The following SHANK2 variants were observed in gnomAD, a reference collection of about 807,000 sequenced individuals.
SHANK2 encodes the protein SH3 and multiple ankyrin repeat domains 2.
A neutral mutation model predicts 133.7 loss-of-function variants in SHANK2; 43 were observed. That is an observed-to-expected ratio of 0.32 (90% CI 0.25 to 0.41). The LOEUF is 0.41. SHANK2 is among the 10% of genes least tolerant of loss of function. SHANK2 has a pLI of 1.00. For synonymous variants in SHANK2, 1,017 were observed against 952.8 expected, an observed-to-expected ratio of 1.07 and a Z score of -1.24; for missense variants, 1,994 against 2,235.8, an observed-to-expected ratio of 0.89 and a Z score of 2.18.
chr11:70,591,529 G>A (rs1284884692), intron 17 of SHANK2, among the ~76,000 whole-genome samples: 5 of 146,720 alleles, frequency 3.4e-5, no homozygotes, highest in Admixed American at 2.1e-4. Flanking sequence ...TACAACATTT[G>A]CTTTTCTTAA....
chr11:71,085,538 T>G (rs1428927552), intron 8 of SHANK2, among the ~76,000 whole-genome samples: 2 of 104,840 alleles, frequency 1.9e-5, no homozygotes, highest in African/African-American at 7.4e-5. Flanking sequence ...TTATATTATA[T>G]AAAATATATA....
At chr11:71,190,236 GC>G (rs1555115152) in intron 2 of SHANK2, among the ~76,000 whole-genome samples, 2 of 152,246 alleles carry the variant, frequency 1.3e-5, no homozygotes, top group Non-Finnish European at 1.5e-5. Context: ...AGATGGCCTT[GC>G]CCCTTTGGAG....
At chr11:70,706,486 C>A (rs569882998) in intron 14 of SHANK2, among the ~76,000 whole-genome samples, 2 of 152,242 alleles carry the variant, frequency 1.3e-5, no homozygotes, top group African/African-American at 4.8e-5. Flanking sequence ...ACAGCCCTGG[C>A]TGGGGCAGTG....
chr11:70,569,742 C>T lies in SHANK2; in HGVS notation c.2062-66811G>A, dbSNP rs2060020102. Among the ~76,000 whole-genome samples, 1 of 152,112 alleles carries T rather than the reference C, an allele frequency of 6.6e-6. No homozygotes were observed. Among genetic ancestry groups the T allele is most frequent in the South Asian group, 2.1e-4 (1 of 4,820 alleles). ...GAATCCTGCCTGGGTTTTTCCTCTA[C>T]ATCTACTGGGGAAGATGCTCTCCTG... On this transcript the variant is annotated intron_variant, in intron 17 of 25. Coordinates refer to ENST00000601538, the MANE Select transcript of SHANK2 (RefSeq NM_012309.5). This position sits in a 1 kb window ranked among gnomAD's most constrained non-coding sequence, Gnocchi z 5.1.
chr11:70,568,646 G>GGCCCCCC (rs2059999450), intron 17 of SHANK2, among the ~76,000 whole-genome samples: 3 of 79,966 alleles, frequency 3.8e-5, no homozygotes, highest in South Asian at 7.5e-4. Context: ...GCGGATTCCT[G>GGCCCCCC]CCCCCCCCGC....
intron 14 of SHANK2, among the ~76,000 whole-genome samples, chr11:70,748,455 C>T (rs961201379): frequency 5.3e-5 from 8 of 152,120 alleles, no homozygotes; most frequent in African/African-American, 1.7e-4. Context: ...CTGGTGCTCC[C>T]TGGAGGGACT....
At chr11:71,232,339 C>T (rs892415812) in intron 1 of SHANK2, among the ~76,000 whole-genome samples, 3 of 152,182 alleles carry the variant, frequency 2.0e-5, no homozygotes, top group Non-Finnish European at 4.4e-5. Context: ...CCAATACTAT[C>T]GTACTGACCC....
intron 14 of SHANK2, among the ~76,000 whole-genome samples, chr11:70,791,137 C>T (rs1947778106): frequency 6.6e-6 from 1 of 152,208 alleles, no homozygotes; most frequent in African/African-American, 2.4e-5. Context: ...CTACCTAATA[C>T]AAATGGGTGG....
At chr11:70,545,995 A>C (rs2059688179) in intron 17 of SHANK2, among the ~76,000 whole-genome samples, 1 of 152,118 alleles carries the variant, frequency 6.6e-6, no homozygotes, top group African/African-American at 2.4e-5. Flanking sequence ...CAGGGAAGAG[A>C]AGCTCGGGGC....
At chr11:70,880,201 G>C (rs377680742) in intron 11 of SHANK2, among the ~76,000 whole-genome samples, 1 of 152,204 alleles carries the variant, frequency 6.6e-6, no homozygotes, top group Non-Finnish European at 1.5e-5. Flanking sequence ...GAGCTTCCTG[G>C]TTAGCCTGGG....
intron 2 of SHANK2, among the ~76,000 whole-genome samples, chr11:71,147,626 T>G (rs1403527736): frequency 1.3e-5 from 2 of 152,080 alleles, no homozygotes; most frequent in African/African-American, 4.8e-5. Context: ...ACCCCGGCAC[T>G]CAAAAGGAGC....
Position 71,109,953 on chromosome 11 carries a change from G to C in SHANK2, c.580C>G (p.Pro194Ala). The change falls in exon 6 of 26, where the codon CCG (proline) becomes GCG (alanine). Residue 194 changes from proline to alanine, a missense_variant. Coordinates refer to ENST00000601538, the MANE Select transcript of SHANK2 (RefSeq NM_012309.5). ...AGCAAGTGCTCACCTCCGGTCTCCG[G>C]GTCGTGGAAATTGGGATCCAGGCCT... ...DRGLDPNFHD[P>A]ETGETPLTLA... is the part of the protein sequence containing the mutation. The C allele has an allele frequency of 6.4e-7, 1 of 1,550,916 alleles. No individual in the cohort carries two copies. The highest frequency in any genetic ancestry group is 1.7e-4 in the Middle Eastern group (1 of 5,992).
intron 11 of SHANK2, among the ~76,000 whole-genome samples, chr11:70,869,333 A>G (rs1949421434): frequency 6.6e-6 from 1 of 152,242 alleles, no homozygotes; most frequent in Admixed American, 6.5e-5. Context: ...CCTCCAGACC[A>G]GCAGGTTTCA....
intron 14 of SHANK2, among the ~76,000 whole-genome samples, chr11:70,789,671 A>T (rs1947746121): frequency 6.6e-6 from 1 of 152,198 alleles, no homozygotes; most frequent in Non-Finnish European, 1.5e-5. Flanking sequence ...GGTGCTGCTC[A>T]TCTGGGTAGG....
At chr11:70,600,536 A>T (rs782228323) in intron 17 of SHANK2, among the ~76,000 whole-genome samples, 1 of 151,926 alleles carries the variant, frequency 6.6e-6, no homozygotes, top group Non-Finnish European at 1.5e-5. Flanking sequence ...AAGAGATAAA[A>T]GGTGGGTGGG....
At chr11:70,918,091 T>C (rs1950295025) in intron 10 of SHANK2, among the ~76,000 whole-genome samples, 1 of 151,962 alleles carries the variant, frequency 6.6e-6, no homozygotes, top group South Asian at 2.1e-4. Context: ...ATATTTTAAG[T>C]CATTTTACTG....
intron 17 of SHANK2, among the ~76,000 whole-genome samples, chr11:70,573,798 T>A (rs2060081257): frequency 6.6e-6 from 1 of 152,146 alleles, no homozygotes; most frequent in African/African-American, 2.4e-5. Flanking sequence ...ACTTTTATGT[T>A]CTGTCTGACT....
rs114859601 is a variant in SHANK2 at position 70,828,264 on chromosome 11, G to C, written c.1175-7582C>G. ...ACCACTGCACATCAGCCTGGGGATA[G>C]AGCAAGACTGTCTCCAAAAACAAAC... On this transcript the variant is annotated intron_variant, in intron 11 of 25. Transcript: ENST00000601538. 7.8e-3 allele frequency among the ~76,000 whole-genome samples: 1,185 copies of C among 152,260 alleles called. 17 individuals are homozygous for C. Among genetic ancestry groups the C allele is most frequent in the African/African-American group, 0.027 (1,105 of 41,540 alleles).
At chr11:70,519,481 C>T (rs1455112573) in intron 17 of SHANK2, among the ~76,000 whole-genome samples, 2 of 152,100 alleles carry the variant, frequency 1.3e-5, no homozygotes, top group Non-Finnish European at 2.9e-5. Context: ...AACCCTATCT[C>T]TACTAAAAAT....
Sources: gnomAD v4.1 joint callset for allele counts (sites outside exome capture counted in the v4.1 genomes callset) on GRCh38, gnomAD v4.1.1 for gene constraint, Gnocchi (gnomAD v3.1) non-coding constraint, MANE v1.5 for transcripts, NCBI Gene and HGNC (gene_info 2026-07-23, HGNC 2026-07-21) for gene names.